The following CNTNAP5 variants were observed in gnomAD, a reference collection of about 807,000 sequenced individuals.
CNTNAP5 encodes contactin associated protein family member 5, also known as contactin-associated protein-like 5.
A neutral mutation model predicts 150.2 loss-of-function variants in CNTNAP5; 72 were observed. That is an observed-to-expected ratio of 0.48 (90% CI 0.40 to 0.58). The LOEUF is 0.58. Ranked by LOEUF, CNTNAP5 falls within the 20% of genes least tolerant of loss-of-function variation. The pLI is 0.00. For missense variants in CNTNAP5, 1,636 were observed against 1,626.2 expected, an observed-to-expected ratio of 1.01 and a Z score of -0.10; for synonymous variants, 672 against 619.8, an observed-to-expected ratio of 1.08 and a Z score of -1.25.
At chr2:124,416,243 T>A (rs1691914256) in intron 3 of CNTNAP5, among the ~76,000 whole-genome samples, 1 of 152,180 alleles carries the variant, frequency 6.6e-6, no homozygotes, top group South Asian at 2.1e-4. Context: ...GAATTGAGGC[T>A]ACTTCTTTAG....
chr2:124,205,769 T>C (rs1027914778), intron 1 of CNTNAP5, among the ~76,000 whole-genome samples: 1 of 152,236 alleles, frequency 6.6e-6, no homozygotes, highest in African/African-American at 2.4e-5. Context: ...AATGGACTAA[T>C]ACAGAGAGAA....
intron 1 of CNTNAP5, among the ~76,000 whole-genome samples, chr2:124,070,099 G>A (rs1275386902): frequency 3.3e-5 from 5 of 152,146 alleles, no homozygotes; most frequent in African/African-American, 9.6e-5. Context: ...CGCAATTAGT[G>A]TTAAGTTGTC....
chr2:124,333,599 A>G (rs1689401963), intron 3 of CNTNAP5, among the ~76,000 whole-genome samples: 1 of 152,204 alleles, frequency 6.6e-6, no homozygotes, highest in Non-Finnish European at 1.5e-5. Context: ...CTATAAGAAA[A>G]GTTTAGAAGC....
chr2:124,544,125 TA>T (rs959307126), intron 10 of CNTNAP5, among the ~76,000 whole-genome samples: 2 of 151,702 alleles, frequency 1.3e-5, no homozygotes, highest in African/African-American at 4.8e-5. Context: ...ACTTAGAAGT[TA>T]AAAAAAAGTG....
chr2:124,470,569 T>C (rs543321084), intron 6 of CNTNAP5, among the ~76,000 whole-genome samples: 1 of 152,306 alleles, frequency 6.6e-6, no homozygotes, highest in East Asian at 1.9e-4. Context: ...CTCTTTAGTT[T>C]AATTAGGTCC....
Position 124,035,910 on chromosome 2 carries a change from CTTTTTTTTTTT to C in CNTNAP5, c.82+10193_82+10203del, listed in dbSNP as rs759598012. 1.9e-3 allele frequency among the ~76,000 whole-genome samples: 143 copies of C among 76,544 alleles called. 1 individual carries two copies. Among genetic ancestry groups the C allele is most frequent in the African/African-American group, 7.2e-3 (128 of 17,668 alleles). The allele number at this position is 76,544 out of a possible 152,430, so 50.2% of individuals were successfully genotyped here. On this transcript the variant is annotated intron_variant, in intron 1 of 23. Coordinates refer to ENST00000682447, the MANE Select transcript of CNTNAP5 (RefSeq NM_001367498.1). ...GTTGCTGCATTTCCCAGGATGAACTCTTTTTTTTTTTTTTTTTTTTTTTTTGAGACGGAGTC... is the reference window on the plus strand; with the variant it reads ...GTTGCTGCATTTCCCAGGATGAACTCTTTTTTTTTTTTTTGAGACGGAGTC...
At chr2:124,507,616 T>G (rs950185747) in intron 8 of CNTNAP5, among the ~76,000 whole-genome samples, 1 of 152,116 alleles carries the variant, frequency 6.6e-6, no homozygotes, top group African/African-American at 2.4e-5. Flanking sequence ...TTAGAGAGAA[T>G]AAATGACAAA....
At chr2:124,302,862 T>A (rs1688597782) in intron 3 of CNTNAP5, among the ~76,000 whole-genome samples, 1 of 152,204 alleles carries the variant, frequency 6.6e-6, no homozygotes, top group Admixed American at 6.5e-5. Context: ...GTGAAACTCC[T>A]TTTTTGCCTT....
At chr2:124,026,397 A>G (rs1238598007) in intron 1 of CNTNAP5, among the ~76,000 whole-genome samples, 2 of 152,216 alleles carry the variant, frequency 1.3e-5, no homozygotes, top group Non-Finnish European at 2.9e-5. Context: ...ACTAATGAGT[A>G]TGCACTAAGT....
At chr2:124,370,985 G>C (rs942477330) in intron 3 of CNTNAP5, among the ~76,000 whole-genome samples, 5 of 152,012 alleles carry the variant, frequency 3.3e-5, no homozygotes, top group Non-Finnish European at 7.4e-5. Flanking sequence ...CAAAAAAAAT[G>C]ATCTGATTGT....
In CNTNAP5 at chr2:124,527,207, G is replaced by A. The variant is rs553166656; in HGVS notation, c.1478-78G>A. 41 of 1,266,718 alleles carry A rather than the reference G, an allele frequency of 3.2e-5. No individual in the cohort carries two copies. In the African/African-American group the frequency reaches 4.9e-4, roughly 15 times the overall value. The allele number at this position is 1,266,718 out of a possible 1,614,324, so 78.5% of individuals were successfully genotyped here. On this transcript the variant is annotated intron_variant, in intron 9 of 23. Transcript: ENST00000682447. ...AAGCACCAAACTAATTAGACCTCAA[G>A]GTCTTCCATCAATAGGTCGCCAAAG... is the stretch of plus-strand genomic sequence containing the variant.
chr2:124,451,594 G>A (rs142906982), intron 6 of CNTNAP5, among the ~76,000 whole-genome samples: 3 of 152,170 alleles, frequency 2.0e-5, no homozygotes, highest in African/African-American at 4.8e-5. Context: ...GACTCGCATC[G>A]TGAACTTTGG....
At chr2:124,571,714 T>C (rs999369475) in intron 11 of CNTNAP5, among the ~76,000 whole-genome samples, 5 of 151,420 alleles carry the variant, frequency 3.3e-5, no homozygotes, top group Non-Finnish European at 7.4e-5. Context: ...GTATTTTTAG[T>C]AGAAATGGGG....
intron 1 of CNTNAP5, among the ~76,000 whole-genome samples, chr2:124,074,542 G>C (rs1012539408): frequency 1.3e-5 from 2 of 152,080 alleles, no homozygotes; most frequent in Non-Finnish European, 2.9e-5. Context: ...GAGGAATAAT[G>C]TCATGGCGAG....
At chr2:124,037,691 G>A (rs1681262648) in intron 1 of CNTNAP5, among the ~76,000 whole-genome samples, 1 of 152,114 alleles carries the variant, frequency 6.6e-6, no homozygotes, top group South Asian at 2.1e-4. Context: ...GTGTGGGGAG[G>A]GATGGGAGAT....
At chr2:124,312,077 C>G (rs1056292621) in intron 3 of CNTNAP5, among the ~76,000 whole-genome samples, 1 of 152,174 alleles carries the variant, frequency 6.6e-6, no homozygotes, top group South Asian at 2.1e-4. Flanking sequence ...CTCCAGACAA[C>G]TCAAAGGCTC....
At chr2:124,381,968 A>G (rs1690806767) in intron 3 of CNTNAP5, among the ~76,000 whole-genome samples, 1 of 152,140 alleles carries the variant, frequency 6.6e-6, no homozygotes, top group South Asian at 2.1e-4. Context: ...CAGGGAAGCA[A>G]CGAAGGTAAG....
At chr2:124,588,161 CTTCCTTCCTTCCTTCCTTCT>C in intron 11 of CNTNAP5, among the ~76,000 whole-genome samples, 1 of 58,280 alleles carries the variant, frequency 1.7e-5, no homozygotes, top group Non-Finnish European at 3.4e-5. Context: ...CTTCCTTTTC[CTTCCTTCCTTCCTTCCTTCT>C]TTCTTTCTTT....
At chr2:124,336,325 A>G (rs1312823813) in intron 3 of CNTNAP5, among the ~76,000 whole-genome samples, 1 of 152,112 alleles carries the variant, frequency 6.6e-6, no homozygotes, top group Non-Finnish European at 1.5e-5. Flanking sequence ...GAACACACAA[A>G]TTGTTATTCA....
Sources: allele counts gnomAD v4.1 joint callset (sites outside exome capture counted in the v4.1 genomes callset), GRCh38; gene constraint gnomAD v4.1.1; transcripts MANE v1.5; gene names NCBI Gene and HGNC (gene_info 2026-07-23, HGNC 2026-07-21).